Variants in BTBD1 observed in about 807,000 individuals in gnomAD.
BTBD1 encodes the protein BTB/POZ domain-containing protein 1.
In BTBD1, 34 loss-of-function variants were observed where a neutral mutation model predicts 48.0. The observed-to-expected ratio is 0.71, with a 90% CI of 0.54 to 0.94. BTBD1 has a LOEUF of 0.94. Among genes scored for constraint, BTBD1 ranks in the 40% least tolerant of loss-of-function variants. The pLI is 0.00. For synonymous variants in BTBD1, 261 were observed against 242.1 expected, an observed-to-expected ratio of 1.08 and a Z score of -0.72; for missense variants, 543 against 625.6, an observed-to-expected ratio of 0.87 and a Z score of 1.41.
chr15:83,042,437 G>A (rs546179169), intron 3 of BTBD1, among the ~76,000 whole-genome samples: 55 of 147,856 alleles, frequency 3.7e-4, no homozygotes, highest in Non-Finnish European at 6.5e-4. Context: ...AGGCTGGAGT[G>A]CAGAGGCACA....
At chr15:83,035,554 T>C (rs1042551157) in intron 4 of BTBD1, among the ~76,000 whole-genome samples, 1 of 151,654 alleles carries the variant, frequency 6.6e-6, no homozygotes, top group Non-Finnish European at 1.5e-5. Context: ...AATACACATA[T>C]TAAAAACTGT....
In BTBD1 at chr15:83,067,227, C is replaced by A. The variant is rs1448284502; in HGVS notation, c.-76G>T. 10 of 1,289,702 alleles carry A rather than the reference C, an allele frequency of 7.8e-6. No homozygotes were observed. Among genetic ancestry groups the A allele is most frequent in the Non-Finnish European group, 8.9e-6 (9 of 1,011,490 alleles). The allele number at this position is 1,289,702 out of a possible 1,614,324, so 79.9% of individuals were successfully genotyped here. ...CCCAGGCCGCCTCCGGAGGCCGGCGCTGCCTCCCTGCCTTCCGGGAAAGGC... is the reference window on the plus strand; with the variant it reads ...CCCAGGCCGCCTCCGGAGGCCGGCGATGCCTCCCTGCCTTCCGGGAAAGGC... On this transcript the variant is annotated 5_prime_UTR_variant, in exon 1 of 8. Coordinates refer to ENST00000261721, the MANE Select transcript of BTBD1 (RefSeq NM_025238.4).
At chr15:83,055,175 A>C (rs894166848) in intron 2 of BTBD1, among the ~76,000 whole-genome samples, 14 of 152,208 alleles carry the variant, frequency 9.2e-5, no homozygotes, top group African/African-American at 3.1e-4. Flanking sequence ...AACAAATGCT[A>C]AATACTATAT....
intron 5 of BTBD1, chr15:83,024,471 G>A (rs1053530759): frequency 1.3e-5 from 2 of 152,114 alleles, no homozygotes; most frequent in Non-Finnish European, 2.9e-5. Context: ...GCCAAGTTTA[G>A]AGAGGTCTAC....
At chr15:83,044,719 A>G in intron 3 of BTBD1, 2 of 1,467,016 alleles carry the variant, frequency 1.4e-6, no homozygotes, top group Non-Finnish European at 1.9e-6. Flanking sequence ...TTAGTGGTGT[A>G]CTGTGTCATG....
intron 4 of BTBD1, 145 bp from the exon 5 acceptor site, chr15:83,030,473 T>A (rs1309256547): frequency 3.1e-6 from 2 of 654,388 alleles, no homozygotes; most frequent in Non-Finnish European, 5.2e-6. Context: ...TTTGCATATA[T>A]TTTAAGGTTT....
chr15:83,021,625 G>T (rs1188306067), intron 5 of BTBD1, among the ~76,000 whole-genome samples: 5 of 151,982 alleles, frequency 3.3e-5, no homozygotes, highest in Non-Finnish European at 7.4e-5. Context: ...ATGATAGCAG[G>T]CACCTGTAAT....
chr15:83,059,063 A>G (rs1456161811), intron 1 of BTBD1, among the ~76,000 whole-genome samples: 11 of 152,356 alleles, frequency 7.2e-5, no homozygotes. Context: ...ACAAGTATGT[A>G]TCTGAAGACA....
chr15:83,052,953 G>A (rs964929420), intron 2 of BTBD1, among the ~76,000 whole-genome samples: 5 of 151,478 alleles, frequency 3.3e-5, no homozygotes, highest in Non-Finnish European at 4.4e-5. Flanking sequence ...CATTTTAATT[G>A]GCCAACTCAA....
At chr15:83,019,789 G>A (rs1005769021) in intron 6 of BTBD1, among the ~76,000 whole-genome samples, 6 of 150,678 alleles carry the variant, frequency 4.0e-5, no homozygotes, top group Non-Finnish European at 5.9e-5. Flanking sequence ...TAGAGACAGG[G>A]TTTCACCATG....
intron 4 of BTBD1, among the ~76,000 whole-genome samples, chr15:83,036,745 C>T (rs989783384): frequency 6.6e-6 from 1 of 152,168 alleles, no homozygotes; most frequent in Non-Finnish European, 1.5e-5. Flanking sequence ...GAATGAACTA[C>T]TGCCACACTC....
Position 83,067,120 on chromosome 15 carries a change from TC to T in BTBD1, c.31del (p.Glu11SerfsTer45). The T allele has an allele frequency of 1.4e-6, 2 of 1,451,558 alleles. No homozygotes were observed. Among genetic ancestry groups the T allele is most frequent in the African/African-American group, 3.0e-5 (2 of 67,262 alleles). 89.9% of individuals were successfully genotyped at this position (1,451,558 alleles called of 1,614,324 possible). ...CTCCGCCTCAGCCCCCGACGCCTGC[TC>T]CCCAGCTGCGGCAGGCCCGAGTGAG... is the stretch of plus-strand genomic sequence containing the variant. MASLGPAAAG[E>X]QASGAEAEPG... On this transcript the variant is annotated frameshift_variant, in exon 1 of 8. Coordinates refer to ENST00000261721, the MANE Select transcript of BTBD1 (RefSeq NM_025238.4). LOFTEE classifies it high-confidence loss of function.
intron 3 of BTBD1, among the ~76,000 whole-genome samples, chr15:83,046,797 C>A (rs975820974): frequency 6.6e-6 from 1 of 152,124 alleles, no homozygotes; most frequent in Admixed American, 6.5e-5. Context: ...CCCCGTCCTT[C>A]AGTATATTAT....
chr15:83,030,073 A>AT, intron 5 of BTBD1, 63 bp downstream of exon 5: 1 of 1,418,150 alleles, frequency 7.1e-7, no homozygotes, highest in Non-Finnish European at 9.9e-7. Context: ...CATAATATAT[A>AT]AAAAAGGCCA....
intron 1 of BTBD1, among the ~76,000 whole-genome samples, chr15:83,066,354 A>AT (rs1032324287): frequency 1.3e-5 from 2 of 152,030 alleles, no homozygotes; most frequent in Non-Finnish European, 2.9e-5. Context: ...GTCCTGCAAG[A>AT]TTTTTCAACT....
intron 5 of BTBD1, among the ~76,000 whole-genome samples, chr15:83,025,451 A>G: frequency 6.6e-6 from 1 of 151,718 alleles, no homozygotes; most frequent in East Asian, 1.9e-4. Flanking sequence ...TCTAACATAC[A>G]TAGGTTAATT....
At chr15:83,036,758 C>T (rs1029656990) in intron 4 of BTBD1, among the ~76,000 whole-genome samples, 5 of 152,098 alleles carry the variant, frequency 3.3e-5, no homozygotes, top group Non-Finnish European at 7.4e-5. Context: ...CCACACTCAA[C>T]CACATGGATG....
intron 1 of BTBD1, among the ~76,000 whole-genome samples, chr15:83,060,249 A>G (rs1249331587): frequency 6.6e-6 from 1 of 151,974 alleles, no homozygotes; most frequent in Non-Finnish European, 1.5e-5. Flanking sequence ...TTTCCTTTAC[A>G]TTCTATTTAA....
At chr15:83,021,335 T>C (rs1377254432) in intron 5 of BTBD1, among the ~76,000 whole-genome samples, 1 of 152,234 alleles carries the variant, frequency 6.6e-6, no homozygotes, top group Non-Finnish European at 1.5e-5. Flanking sequence ...AGCAGAGGGA[T>C]GGGACAGGAT....
Sources: gnomAD v4.1 joint callset for allele counts (sites outside exome capture counted in the v4.1 genomes callset) on GRCh38, gnomAD v4.1.1 for gene constraint, MANE v1.5 for transcripts, NCBI Gene and HGNC (gene_info 2026-07-23, HGNC 2026-07-21) for gene names.